The following CES5A variants were observed in gnomAD, a reference collection of about 807,000 sequenced individuals.
The protein encoded by CES5A is carboxylesterase 5A, also known as carboxylesterase 5.
A neutral mutation model predicts 62.9 loss-of-function variants in CES5A; 67 were observed. That is an observed-to-expected ratio of 1.07 (90% CI 0.88 to 1.31). CES5A has a LOEUF of 1.31. CES5A is among the 50% of genes most tolerant of loss of function. The probability of loss-of-function intolerance (pLI) is 0.00; values close to 1 mark genes in which losing one functional copy is unlikely to be tolerated. For synonymous variants in CES5A, 296 were observed against 280.8 expected (o/e 1.05, Z -0.54); for missense variants, 748 against 708.5 (o/e 1.06, Z -0.63).
upstream of CES5A, among the ~76,000 whole-genome samples, chr16:55,929,302 G>A (rs957852501): frequency 7.9e-5 from 12 of 152,320 alleles, no homozygotes; most frequent in African/African-American, 2.6e-4. Flanking sequence ...CGCTTGGCTC[G>A]CAAGCCTGGC....
At chr16:55,917,975 A>G (rs1421387433) in intron 1 of CES5A, among the ~76,000 whole-genome samples, 1 of 152,154 alleles carries the variant, frequency 6.6e-6, no homozygotes, top group African/African-American at 2.4e-5. Flanking sequence ...GAATCCCCCT[A>G]TTGCATGGTT....
chr16:55,915,864 G>A lies in CES5A; in HGVS notation c.-256+9459C>T, dbSNP rs111902525. 1.7e-3 allele frequency among the ~76,000 whole-genome samples: 263 copies of A among 152,280 alleles called. 2 individuals are homozygous for A. Among genetic ancestry groups the A allele is most frequent in the African/African-American group, 6.1e-3 (252 of 41,562 alleles). ...AGAGTCCCTGTGCAAAGCATTGAAT[G>A]GCTGAAGGATAGATCTCTAGTTCAG... is the stretch of plus-strand genomic sequence containing the variant. On this transcript the variant is annotated intron_variant, in intron 1 of 12. Transcript: ENST00000518005.
intron 1 of CES5A, among the ~76,000 whole-genome samples, chr16:55,909,595 C>T (rs1180503625): frequency 2.0e-5 from 3 of 151,892 alleles, no homozygotes; most frequent in South Asian, 2.1e-4. Flanking sequence ...CACACACACA[C>T]ATGTCTGGAG....
chr16:55,909,031 A>T (rs953461573), intron 1 of CES5A, among the ~76,000 whole-genome samples: 2 of 152,236 alleles, frequency 1.3e-5, no homozygotes, highest in Non-Finnish European at 2.9e-5. Flanking sequence ...ACAACAGGGA[A>T]CGAATGCTCC....
chr16:55,894,515 A>G (rs2033912821), intron 1 of CES5A, among the ~76,000 whole-genome samples: 1 of 110,718 alleles, frequency 9.0e-6, no homozygotes. Context: ...AAAAAAAAAA[A>G]GAAAAGAAAA....
intron 1 of CES5A, among the ~76,000 whole-genome samples, chr16:55,881,863 C>T (rs780589299): frequency 6.6e-6 from 1 of 152,026 alleles, no homozygotes; most frequent in Non-Finnish European, 1.5e-5. Flanking sequence ...ATAGCAGAGG[C>T]CAGGTTGTGC....
intron 1 of CES5A, among the ~76,000 whole-genome samples, chr16:55,889,416 A>G (rs1225015875): frequency 6.6e-6 from 1 of 152,058 alleles, no homozygotes; most frequent in African/African-American, 2.4e-5. Context: ...GATTCCCATG[A>G]CCCCTCCTTA....
chr16:55,869,593 T>G lies in CES5A; in HGVS notation c.551+18A>C. 1.2e-6 allele frequency: 2 copies of G among 1,612,352 alleles called. No individual in the cohort carries two copies. Among genetic ancestry groups the G allele is most frequent in the South Asian group, 2.2e-5 (2 of 90,700 alleles). On this transcript the variant is annotated intron_variant, in intron 4 of 12. Transcript: ENST00000290567. ...GCCCTTTGGGGATCTGGGATGTCCATCATTTGGAGAGACTCACGTGAAGAA... is the reference window on the plus strand; with the variant it reads ...GCCCTTTGGGGATCTGGGATGTCCAGCATTTGGAGAGACTCACGTGAAGAA...
intron 2 of CES5A, among the ~76,000 whole-genome samples, chr16:55,949,207 C>A (rs2034528720): frequency 6.7e-6 from 1 of 149,322 alleles, no homozygotes; most frequent in Non-Finnish European, 1.5e-5. Context: ...ATCTTGGGGT[C>A]ACTGCCAGCG....
intron 2 of CES5A, among the ~76,000 whole-genome samples, chr16:55,937,757 T>C (rs2034391926): frequency 6.6e-6 from 1 of 152,158 alleles, no homozygotes; most frequent in Non-Finnish European, 1.5e-5. Context: ...TTCTTCTCTT[T>C]ATGTTAATTA....
chr16:55,952,458 G>T (rs1448734619), intron 1 of CES5A, among the ~76,000 whole-genome samples: 1 of 151,932 alleles, frequency 6.6e-6, no homozygotes, highest in Non-Finnish European at 1.5e-5. Flanking sequence ...AAAATCAATA[G>T]TATAGATCAA....
intron 1 of CES5A, among the ~76,000 whole-genome samples, chr16:55,899,495 G>A (rs2033968284): frequency 1.3e-5 from 2 of 152,186 alleles, no homozygotes; most frequent in South Asian, 4.1e-4. Context: ...AGAAGCTTCA[G>A]GATTCTGGGT....
upstream of CES5A, among the ~76,000 whole-genome samples, chr16:55,925,798 A>T (rs1244363174): frequency 2.0e-5 from 3 of 152,168 alleles, no homozygotes; most frequent in Non-Finnish European, 2.9e-5. Flanking sequence ...GACTTAATCA[A>T]ACTAAAAAGC....
chr16:55,896,403 T>G (rs1316589511), intron 1 of CES5A, among the ~76,000 whole-genome samples: 1 of 152,204 alleles, frequency 6.6e-6, no homozygotes, highest in Non-Finnish European at 1.5e-5. Context: ...CTTCTCTTTG[T>G]ACATGCCTGC....
intron 1 of CES5A, among the ~76,000 whole-genome samples, chr16:55,905,529 G>T (rs1414685655): frequency 2.0e-5 from 3 of 152,020 alleles, no homozygotes; most frequent in Non-Finnish European, 2.9e-5. Context: ...ACCATGCCCG[G>T]CTAACTTTTG....
At chr16:55,922,890 T>C (rs1325627788) in intron 1 of CES5A, among the ~76,000 whole-genome samples, 7 of 151,622 alleles carry the variant, frequency 4.6e-5, no homozygotes, top group South Asian at 2.1e-4. Context: ...AACAAGAACA[T>C]TGGAAACTTT....
intron 11 of CES5A, among the ~76,000 whole-genome samples, chr16:55,848,042 A>T (rs1239324891): frequency 1.3e-5 from 2 of 151,838 alleles, no homozygotes; most frequent in South Asian, 2.1e-4. Flanking sequence ...TCCCAAAGTG[A>T]TGGCATTATA....
At chr16:55,938,561 C>T (rs372246828) in intron 2 of CES5A, among the ~76,000 whole-genome samples, 129 of 150,890 alleles carry the variant, frequency 8.5e-4, no homozygotes, top group African/African-American at 3.1e-3. Flanking sequence ...CACAGTGAAA[C>T]CCCGTCTCTA....
chr16:55,858,383 G>C (rs1198402060), intron 8 of CES5A, among the ~76,000 whole-genome samples: 1 of 152,164 alleles, frequency 6.6e-6, no homozygotes, highest in African/African-American at 2.4e-5. Flanking sequence ...CCTGTGCTTG[G>C]CACTGGAAGG....
Sources: allele counts gnomAD v4.1 joint callset (sites outside exome capture counted in the v4.1 genomes callset), GRCh38; gene constraint gnomAD v4.1.1; transcripts MANE v1.5; gene names NCBI Gene and HGNC (gene_info 2026-07-23, HGNC 2026-07-21).